D2HGDH: variants seen among roughly 807,000 people sequenced by gnomAD.
The protein encoded by D2HGDH is D-2-hydroxyglutarate dehydrogenase.
Under a neutral mutation model 46.9 loss-of-function variants are expected in D2HGDH, and 31 were observed. That is an observed-to-expected ratio of 0.66 (90% CI 0.50 to 0.89). D2HGDH has a LOEUF of 0.89. Among genes scored for constraint, D2HGDH ranks in the 40% least tolerant of loss-of-function variants. The pLI is 0.00. For synonymous variants in D2HGDH, 364 were observed against 332.6 expected (o/e 1.09, Z -1.03); for missense variants, 698 against 720.8 (o/e 0.97, Z 0.36).
In D2HGDH at chr2:241,768,033, T is replaced by G; in HGVS notation, c.*64T>G. On this transcript the variant is annotated 3_prime_UTR_variant, in exon 10 of 10. Coordinates refer to ENST00000321264, the MANE Select transcript of D2HGDH (RefSeq NM_152783.5). ...GCGGGTGGCTCTCGGGCGGGGGTGT[T>G]GCGGTGGCTCTGAGGGATGAGCCGG... 1 of 1,516,012 alleles carries G rather than the reference T, an allele frequency of 6.6e-7. No homozygotes were observed. The highest frequency in any genetic ancestry group is 1.2e-5 in the South Asian group (1 of 81,532). The allele number at this position is 1,516,012 out of a possible 1,614,324, so 93.9% of individuals were successfully genotyped here.
intron 2 of D2HGDH, among the ~76,000 whole-genome samples, chr2:241,736,992 G>T (rs545084502): frequency 6.6e-6 from 1 of 150,486 alleles, no homozygotes; most frequent in South Asian, 2.1e-4. Context: ...TTTTTGAGAC[G>T]GAGTCTCGCT....
intron 8 of D2HGDH, among the ~76,000 whole-genome samples, chr2:241,751,637 G>A (rs531419306): frequency 4.6e-5 from 7 of 152,360 alleles, no homozygotes; most frequent in Admixed American, 2.6e-4. Context: ...CATGCTGTGG[G>A]ATGAGCAAGG....
chr2:241,753,734 GCACT>G (rs1200273034), intron 8 of D2HGDH, among the ~76,000 whole-genome samples: 1 of 152,256 alleles, frequency 6.6e-6, no homozygotes, highest in African/African-American at 2.4e-5. Flanking sequence ...GGTCTCATTG[GCACT>G]GCCTATCCAC....
intron 2 of D2HGDH, among the ~76,000 whole-genome samples, chr2:241,739,989 A>G (rs1694004948): frequency 6.6e-6 from 1 of 152,182 alleles, no homozygotes; most frequent in South Asian, 2.1e-4. Context: ...TACTAAAAAT[A>G]TCAAAATTAG....
At chr2:241,753,798 G>A (rs34663186) in intron 8 of D2HGDH, among the ~76,000 whole-genome samples, 10,798 of 152,308 alleles carry the variant, frequency 0.071, 500 homozygotes, top group Admixed American at 0.15. Flanking sequence ...TGCCTCCTGT[G>A]CCCTGTGCCT....
intron 6 of D2HGDH, among the ~76,000 whole-genome samples, chr2:241,746,604 A>G (rs1259213339): frequency 6.6e-6 from 1 of 152,090 alleles, no homozygotes; most frequent in African/African-American, 2.4e-5. Flanking sequence ...AAGTACAAAA[A>G]TTAGGCTGGG....
At chr2:241,734,950 C>G in intron 1 of D2HGDH, 183 bp from the exon 2 acceptor site, 2 of 408,728 alleles carry the variant, frequency 4.9e-6, no homozygotes, top group Non-Finnish European at 8.7e-6. Context: ...GCCTGCGCGT[C>G]GCTAAGTCCA....
chr2:241,742,618 G>A lies in D2HGDH; in HGVS notation c.490+44G>A. The A allele has an allele frequency of 1.2e-6, 2 of 1,611,838 alleles. No homozygotes were observed. Among genetic ancestry groups the A allele is most frequent in the Non-Finnish European group, 8.5e-7 (1 of 1,178,176 alleles). On this transcript the variant is annotated intron_variant, in intron 4 of 9. Transcript: ENST00000321264. This position sits in a 1 kb window ranked among gnomAD's most constrained non-coding sequence, Gnocchi z 4.8. The stretch of plus-strand genomic sequence containing the variant: ...TCGGGGCCCAGGAGTCCCTCCTGGT[G>A]CTGGTGGAGTTCTTCCTTGCCAGCG...
rs140096524 is a variant in D2HGDH at position 241,767,879 on chromosome 2, G to A, written c.1476G>A (p.Pro492=). ...ACGTCCTGGGCTACAGCAAGCCACCGGGGGCCCTGCAGCTCATGCAGCAGC... is the reference window on the plus strand; with the variant it reads ...ACGTCCTGGGCTACAGCAAGCCACCAGGGGCCCTGCAGCTCATGCAGCAGC... ...KRDVLGYSKP[P]GALQLMQQLK... The change falls in exon 10 of 10, where the codon CCG becomes CCA. Residue 492 remains proline, a synonymous_variant. Coordinates refer to ENST00000321264, the MANE Select transcript of D2HGDH (RefSeq NM_152783.5). 6.4e-4 allele frequency: 1,024 copies of A among 1,608,282 alleles called. 4 individuals are homozygous for A. The African/African-American group carries it at 0.01, about 16-fold the overall frequency.
At chr2:241,758,699 T>C (rs142288921) in intron 9 of D2HGDH, among the ~76,000 whole-genome samples, 191 of 151,842 alleles carry the variant, frequency 1.3e-3, no homozygotes, top group African/African-American at 4.4e-3. Context: ...ATCACTGGAG[T>C]CCAGTAGTTC....
rs752967377 is a variant in D2HGDH at position 241,767,792 on chromosome 2, G to A, written c.1389G>A (p.Glu463=). The stretch of plus-strand genomic sequence containing the variant: ...CTGCCCTGGAGCCCCACGTGTACGA[G>A]TGGACGGCCGGGCAGCAGGGCAGCG... ...LLAALEPHVY[E]WTAGQQGSVS... The change falls in exon 10 of 10, where the codon GAG becomes GAA. Residue 463 remains glutamate, a synonymous_variant. Transcript: ENST00000321264. The A allele has an allele frequency of 1.8e-5, 29 of 1,612,220 alleles. 1 individual carries two copies. In the South Asian group the frequency reaches 3.0e-4, roughly 16 times the overall value.
At chr2:241,751,165 A>G in intron 7 of D2HGDH, 81 bp from the exon 8 acceptor site, 1 of 1,593,178 alleles carries the variant, frequency 6.3e-7, no homozygotes, top group South Asian at 1.1e-5. Context: ...TTGCTATTAC[A>G]GCTGTTCTGC....
At position 241,768,271 on chromosome 2, in the gene D2HGDH, C is replaced by A; in HGVS notation, c.*302C>A. On this transcript the variant is annotated 3_prime_UTR_variant, in exon 10 of 10. Coordinates refer to ENST00000321264, the MANE Select transcript of D2HGDH (RefSeq NM_152783.5). ...GTGGAAGCGGGGTGGGTCTCACTTGCGTGGTGGCCCCTGGCCCCATCTTGC... is the reference window on the plus strand; with the variant it reads ...GTGGAAGCGGGGTGGGTCTCACTTGAGTGGTGGCCCCTGGCCCCATCTTGC... 1 of 431,202 alleles carries A rather than the reference C, an allele frequency of 2.3e-6. No individual in the cohort carries two copies. Among genetic ancestry groups the A allele is most frequent in the Non-Finnish European group, 4.2e-6 (1 of 237,546 alleles). The allele number at this position is 431,202 out of a possible 1,614,324, so 26.7% of individuals were successfully genotyped here.
intron 8 of D2HGDH, chr2:241,755,177 C>T (rs1172535116): frequency 2.3e-6 from 3 of 1,301,744 alleles, no homozygotes; most frequent in African/African-American, 3.0e-5. Flanking sequence ...CCTTCCTCCC[C>T]CGTGGCCCGC....
chr2:241,743,724 G>C lies in D2HGDH; in HGVS notation c.593G>C (p.Cys198Ser). 1.2e-6 allele frequency: 2 copies of C among 1,613,708 alleles called. No homozygotes were observed. The highest frequency in any genetic ancestry group is 3.3e-4 in the Middle Eastern group (2 of 5,996). Reference protein sequence around the residue: ...MPLDLGAKGSCHIGGNVATNA... With the variant: ...MPLDLGAKGSSHIGGNVATNA... ...CTGGACTTAGGAGCCAAGGGCAGCT[G>C]CCACATCGGGGGAAACGTGGCAACC... Residue 198 changes from cysteine to serine, a missense_variant, in exon 5 of 10, where the codon TGC becomes TCC. By Grantham distance (112) the Cys-to-Ser change is moderately radical. Transcript: ENST00000321264. This position sits in a 1 kb window ranked among gnomAD's most constrained non-coding sequence, Gnocchi z 4.8.
intron 8 of D2HGDH, among the ~76,000 whole-genome samples, chr2:241,753,205 C>T (rs915380032): frequency 5.3e-5 from 8 of 152,194 alleles, no homozygotes; most frequent in Non-Finnish European, 1.0e-4. Flanking sequence ...TTGTTTTCTG[C>T]AGATAGCAAA....
At chr2:241,762,260 TG>T (rs1446259984) in intron 9 of D2HGDH, among the ~76,000 whole-genome samples, 3 of 151,990 alleles carry the variant, frequency 2.0e-5, no homozygotes, top group African/African-American at 7.2e-5. Context: ...TTAGTAGAGA[TG>T]GGGTTTCACC....
rs1188311406 is a variant in D2HGDH, at chr2:241,742,440, G to A, written c.356G>A (p.Cys119Tyr). The A allele has an allele frequency of 2.5e-6, 4 of 1,611,076 alleles. No individual in the cohort carries two copies. The highest frequency in any genetic ancestry group is 3.4e-6 in the Non-Finnish European group (4 of 1,178,738). ...SEEVSHILRHCHERNLAVNPQ... is the reference protein window; with the variant it reads ...SEEVSHILRHYHERNLAVNPQ... ...CCCTCCTGTCCTCATCCCAGGCACT[G>A]CCACGAGAGGAACCTGGCCGTGAAC... Residue 119 changes from cysteine to tyrosine, a missense_variant, in exon 4 of 10, where the codon TGC becomes TAC. Cys to Tyr is a radical substitution (Grantham distance 194, BLOSUM62 -2). Transcript: ENST00000321264. The surrounding 1 kb of genome is among the most constrained non-coding windows in gnomAD (Gnocchi z 4.8).
Position 241,744,772 on chromosome 2 carries a change from G to T in D2HGDH, c.748G>T (p.Asp250Tyr). ...CCTGAGGAAGGACAACACGGGCTAT[G>T]ACCTGAAGCAGCTGTTCATCGGGTC... is the stretch of plus-strand genomic sequence containing the variant. ...TSLRKDNTGYDLKQLFIGSEG... is the reference protein window; with the variant it reads ...TSLRKDNTGYYLKQLFIGSEG... The change falls in exon 6 of 10, where the codon GAC becomes TAC. Residue 250 changes from aspartate (D) to tyrosine (Y), a missense_variant. Coordinates refer to ENST00000321264, the MANE Select transcript of D2HGDH (RefSeq NM_152783.5). 1 of 1,614,238 alleles carries T rather than the reference G, an allele frequency of 6.2e-7. No individual in the cohort carries two copies. The highest frequency in any genetic ancestry group is 8.5e-7 in the Non-Finnish European group (1 of 1,180,044).
Sources: allele counts gnomAD v4.1 joint callset (sites outside exome capture counted in the v4.1 genomes callset), GRCh38; gene constraint gnomAD v4.1.1; non-coding constraint Gnocchi (gnomAD v3.1); transcripts MANE v1.5; gene names NCBI Gene and HGNC (gene_info 2026-07-23, HGNC 2026-07-21).